The following TYW1 variants were observed in gnomAD, a reference collection of about 807,000 sequenced individuals.
The protein encoded by TYW1 is S-adenosyl-L-methionine-dependent tRNA 4-demethylwyosine synthase TYW1.
In TYW1, 46 loss-of-function variants were observed where a neutral mutation model predicts 96.2. The ratio of observed to expected loss-of-function variants is 0.48; its 90% CI spans 0.38 to 0.61. TYW1 has a LOEUF of 0.61. Ranked by LOEUF, TYW1 falls within the 20% of genes least tolerant of loss-of-function variation. The pLI is 0.00. For missense variants in TYW1, 684 were observed against 909.6 expected (o/e 0.75, Z 3.19); for synonymous variants, 274 against 323.0 (o/e 0.85, Z 1.63).
chr7:67,185,448 T>G (rs1799989096), intron 14 of TYW1, among the ~76,000 whole-genome samples: 1 of 152,070 alleles, frequency 6.6e-6, no homozygotes, highest in Non-Finnish European at 1.5e-5. Flanking sequence ...TGGGTACATT[T>G]AGGATTCCTT....
chr7:67,212,328 AT>A (rs34086794), intron 15 of TYW1, among the ~76,000 whole-genome samples: 72,351 of 142,032 alleles, frequency 0.51, 17,568 homozygotes, highest in East Asian at 0.58. Context: ...TTGATAGCTC[AT>A]TTTTTTTTTT....
chr7:67,132,945 A>G (rs1278971117), intron 13 of TYW1, among the ~76,000 whole-genome samples: 6 of 152,118 alleles, frequency 3.9e-5, no homozygotes, highest in Non-Finnish European at 8.8e-5. Context: ...CTCTTTGTGC[A>G]CATGTGCAAT....
chr7:67,144,384 A>G (rs1798540516), intron 13 of TYW1, among the ~76,000 whole-genome samples: 1 of 152,264 alleles, frequency 6.6e-6, no homozygotes, highest in Non-Finnish European at 1.5e-5. Flanking sequence ...TTGTCTGAAG[A>G]GTATATGAAC....
intron 13 of TYW1, among the ~76,000 whole-genome samples, chr7:67,149,199 T>C (rs1458192179): frequency 6.6e-6 from 1 of 152,222 alleles, no homozygotes; most frequent in Non-Finnish European, 1.5e-5. Context: ...TCATGTTTGA[T>C]TTATGAAAAA....
intron 7 of TYW1, among the ~76,000 whole-genome samples, chr7:67,034,346 T>A (rs972186077): frequency 6.6e-6 from 1 of 152,042 alleles, no homozygotes; most frequent in Non-Finnish European, 1.5e-5. Context: ...CCTCAAGATA[T>A]CCACCTGCCT....
intron 14 of TYW1, among the ~76,000 whole-genome samples, chr7:67,188,953 G>A (rs11976638): frequency 0.29 from 44,054 of 152,160 alleles, 7,078 homozygotes; most frequent in African/African-American, 0.43. Flanking sequence ...ATGTGTATGT[G>A]TGTGCATTCA....
At chr7:67,041,083 C>G (rs1795005426) in intron 7 of TYW1, among the ~76,000 whole-genome samples, 2 of 152,072 alleles carry the variant, frequency 1.3e-5, no homozygotes. Flanking sequence ...ATAAAAATCT[C>G]TCATAAAATC....
chr7:67,038,608 A>G (rs1269143448), intron 7 of TYW1, among the ~76,000 whole-genome samples: 2 of 151,974 alleles, frequency 1.3e-5, no homozygotes, highest in African/African-American at 4.8e-5. Flanking sequence ...CTTGTCTCCA[A>G]AATACAAACA....
chr7:67,145,003 G>T (rs2116131111), intron 13 of TYW1, among the ~76,000 whole-genome samples: 1 of 122,056 alleles, frequency 8.2e-6, no homozygotes, highest in East Asian at 2.0e-4. Context: ...TCTTGCTGGT[G>T]CTGGCACTGA....
rs558603075 is a variant in TYW1, at chr7:67,166,960, A to G, written c.1699-16166A>G. Among the ~76,000 whole-genome samples the G allele has an allele frequency of 1.4e-4, 22 of 152,326 alleles. No individual in the cohort carries two copies. The South Asian group carries it at 3.9e-3, about 27-fold the overall frequency. On this transcript the variant is annotated intron_variant, in intron 13 of 15. Transcript: ENST00000359626. ...TAGTGCCAGACAATCGCACGGCCAT[A>G]TAAGAACATTCAAGGCTTTGGTCAA...
chr7:67,112,540 C>T (rs561418238), intron 12 of TYW1, among the ~76,000 whole-genome samples: 55 of 151,016 alleles, frequency 3.6e-4, no homozygotes, highest in African/African-American at 1.2e-3. Flanking sequence ...TGCTTGAACC[C>T]GGGAGGTGGA....
chr7:67,200,884 G>A (rs2116360484), intron 15 of TYW1, among the ~76,000 whole-genome samples: 1 of 152,264 alleles, frequency 6.6e-6, no homozygotes, highest in South Asian at 2.1e-4. Context: ...GAGGTCCAAG[G>A]AAAAGCACGG....
chr7:67,164,151 G>T (rs1203339114), intron 13 of TYW1, among the ~76,000 whole-genome samples: 1 of 151,948 alleles, frequency 6.6e-6, no homozygotes, highest in African/African-American at 2.4e-5. Context: ...TTTTGGTGTA[G>T]ATAGATTTAT....
chr7:67,030,557 A>C (rs1201353233), intron 7 of TYW1, among the ~76,000 whole-genome samples: 1 of 152,002 alleles, frequency 6.6e-6, no homozygotes, highest in Non-Finnish European at 1.5e-5. Flanking sequence ...GCTTGACCCC[A>C]GGAGGTGGAG....
Position 67,178,911 on chromosome 7 carries a change from A to G in TYW1, c.1699-4215A>G, listed in dbSNP as rs1403480479. Among the ~76,000 whole-genome samples the G allele has an allele frequency of 2.2e-5, 3 of 135,842 alleles. 1 individual carries two copies. The highest frequency in any genetic ancestry group is 9.0e-5 in the African/African-American group (3 of 33,356). 89.1% of individuals were successfully genotyped at this position (135,842 alleles called of 152,430 possible). A position where few individuals can be genotyped will look rare whatever the true frequency, so the allele number is the denominator to read the frequency against. On this transcript the variant is annotated intron_variant, in intron 13 of 15. Coordinates refer to ENST00000359626, the MANE Select transcript of TYW1 (RefSeq NM_018264.4). ...ATTTCACAGTTTTAGAAGATTTAGC[A>G]AAGTGAGAGAGAGCCTATTCTGGTT...
intron 13 of TYW1, among the ~76,000 whole-genome samples, chr7:67,179,047 T>C (rs1799761362): frequency 6.9e-6 from 1 of 144,144 alleles, no homozygotes; most frequent in Admixed American, 7.0e-5. Context: ...GACGGGAATC[T>C]TTTATTGAAG....
intron 12 of TYW1, among the ~76,000 whole-genome samples, chr7:67,100,192 A>T (rs1415145678): frequency 1.3e-5 from 2 of 152,036 alleles, no homozygotes; most frequent in African/African-American, 2.4e-5. Flanking sequence ...AGGTGGTAGG[A>T]TGATGAGGTT....
chr7:67,035,681 TTTTG>T (rs979930066), intron 7 of TYW1, among the ~76,000 whole-genome samples: 7 of 152,028 alleles, frequency 4.6e-5, no homozygotes, highest in East Asian at 1.9e-4. Context: ...CCATTGTTCT[TTTTG>T]TTTGTTTGTT....
rs952169120 is a variant in TYW1, at chr7:66,998,922, AT to A, written c.247del (p.Tyr83MetfsTer31). ...EKDIFVSGVK[I>X]FYGSQTGTAK... Reference sequence around the variant, plus strand: ...AGACATCTTTGTGTCTGGAGTGAAGATTTTTTATGGTTCTCAGACTGGAACA... The same window carrying A: ...AGACATCTTTGTGTCTGGAGTGAAGATTTTTATGGTTCTCAGACTGGAACA... On this transcript the variant is annotated frameshift_variant, in exon 3 of 16. Coordinates refer to ENST00000359626, the MANE Select transcript of TYW1 (RefSeq NM_018264.4). LOFTEE classifies it high-confidence loss of function. 6.2e-7 allele frequency: 1 copy of A among 1,614,106 alleles called. No individual in the cohort carries two copies. The highest frequency in any genetic ancestry group is 1.3e-5 in the African/African-American group (1 of 75,038).
Sources: gnomAD v4.1 joint callset for allele counts (sites outside exome capture counted in the v4.1 genomes callset) on GRCh38, gnomAD v4.1.1 for gene constraint, MANE v1.5 for transcripts, NCBI Gene and HGNC (gene_info 2026-07-23, HGNC 2026-07-21) for gene names.